Variants in C11orf16 observed in about 807,000 individuals in gnomAD.
C11orf16 encodes the protein uncharacterized protein C11orf16.
C11orf16 carries 38 observed loss-of-function variants against 45.1 expected under a neutral mutation model. That is an observed-to-expected ratio of 0.84 (90% CI 0.65 to 1.10). The LOEUF (loss-of-function observed/expected upper bound fraction) is 1.10, where lower values mean the gene tolerates loss of function less well. Among genes scored for constraint, C11orf16 ranks in the 50% least tolerant of loss-of-function variants. The pLI is 0.00. For synonymous variants in C11orf16, 221 were observed against 222.0 expected (o/e 1.00, Z 0.04); for missense variants, 583 against 569.5 (o/e 1.02, Z -0.24).
chr11:8,921,492 T>C lies in C11orf16; in HGVS notation c.1228A>G (p.Lys410Glu), dbSNP rs1301623354. ...KPGTRYSNICKEEKDHKQQRA... is the reference protein window; with the variant it reads ...KPGTRYSNICEEEKDHKQQRA... ...TGCTGTTTGTGATCCTTTTCTTCTTTGCAGATGTTGGAATATCTTGTTCCT... is the reference window on the plus strand; with the variant it reads ...TGCTGTTTGTGATCCTTTTCTTCTTCGCAGATGTTGGAATATCTTGTTCCT... The change falls in exon 6 of 7, where the codon AAA becomes GAA. Residue 410 changes from lysine to glutamate, a missense_variant. Coordinates refer to ENST00000326053, the MANE Select transcript of C11orf16 (RefSeq NM_020643.3). The C allele has an allele frequency of 3.1e-6, 5 of 1,614,244 alleles. No individual in the cohort carries two copies. Among genetic ancestry groups the C allele is most frequent in the African/African-American group, 1.3e-5 (1 of 75,066 alleles).
intron 5 of C11orf16, 138 bp downstream of exon 5, chr11:8,925,325 G>T: frequency 1.2e-6 from 1 of 802,346 alleles, no homozygotes; most frequent in Non-Finnish European, 2.0e-6. Flanking sequence ...CTCCTCTTCA[G>T]CATGACCAGA....
intron 5 of C11orf16, among the ~76,000 whole-genome samples, chr11:8,923,545 ACT>A (rs2064588501): frequency 6.6e-6 from 1 of 151,972 alleles, no homozygotes; most frequent in Non-Finnish European, 1.5e-5. Flanking sequence ...ATGGTGCCAA[ACT>A]CTAGAGTTTT....
chr11:8,926,156 C>A, intron 4 of C11orf16, 49 bp from the exon 5 acceptor site: 2 of 1,317,478 alleles, frequency 1.5e-6, no homozygotes, highest in Non-Finnish European at 2.0e-6. Context: ...CAATTATCTC[C>A]TTTTTTTTCT....
At chr11:8,921,550 G>A (rs749570401) in intron 5 of C11orf16, 35 bp from the exon 6 acceptor site, 5 of 1,580,754 alleles carry the variant, frequency 3.2e-6, no homozygotes, top group African/African-American at 1.3e-5. Flanking sequence ...GGTTGAATAT[G>A]CCACCATTTT....
At chr11:8,920,847 G>A (rs962645705) in intron 6 of C11orf16, among the ~76,000 whole-genome samples, 1 of 152,126 alleles carries the variant, frequency 6.6e-6, no homozygotes, top group Non-Finnish European at 1.5e-5. Context: ...AGTCATTGCT[G>A]TGTCCCAAAT....
chr11:8,926,125 G>T lies in C11orf16; in HGVS notation c.560-18C>A. On this transcript the variant is annotated intron_variant, in intron 4 of 6. Coordinates refer to ENST00000326053, the MANE Select transcript of C11orf16 (RefSeq NM_020643.3). Reference sequence around the variant, plus strand: ...CTTTGATGCTACATAACAAAAAATGGCAACATTTTGTTATAATTACCAATT... The same window carrying T: ...CTTTGATGCTACATAACAAAAAATGTCAACATTTTGTTATAATTACCAATT... 1 of 1,531,896 alleles carries T rather than the reference G, an allele frequency of 6.5e-7. No individual in the cohort carries two copies. Among genetic ancestry groups the T allele is most frequent in the South Asian group, 1.3e-5 (1 of 78,744 alleles). The allele number at this position is 1,531,896 out of a possible 1,614,324, so 94.9% of individuals were successfully genotyped here.
intron 6 of C11orf16, 136 bp downstream of exon 6, chr11:8,921,158 C>G (rs753801835): frequency 1.5e-4 from 102 of 666,962 alleles, no homozygotes; most frequent in Middle Eastern, 4.2e-4. Context: ...AAATTACATG[C>G]AAAATTGAGG....
In C11orf16 at chr11:8,932,064, A is replaced by C. The variant is rs559553816; in HGVS notation, c.167+78T>G. The C allele has an allele frequency of 5.0e-6, 7 of 1,405,792 alleles. No homozygotes were observed. In the East Asian group the frequency reaches 1.5e-4, roughly 30 times the overall value. 87.1% of individuals were successfully genotyped at this position (1,405,792 alleles called of 1,614,324 possible). On this transcript the variant is annotated intron_variant, in intron 2 of 6. Transcript: ENST00000326053. ...TTCTCAGGAAGCAAGTCTGTCCACC[A>C]AGGTCTACCACCAACAGCCAAGAAC... is the stretch of plus-strand genomic sequence containing the variant.
chr11:8,927,697 G>C, intron 3 of C11orf16: 2 of 456,214 alleles, frequency 4.4e-6, no homozygotes, highest in South Asian at 3.1e-5. Flanking sequence ...CAGTCAACGA[G>C]GAAAGGGTTA....
intron 2 of C11orf16, 148 bp downstream of exon 2, chr11:8,931,994 C>T: frequency 2.3e-6 from 2 of 853,668 alleles, no homozygotes; most frequent in Non-Finnish European, 3.5e-6. Flanking sequence ...AGACCCCACA[C>T]AGATATGCCA....
chr11:8,930,141 G>T (rs1042442946), intron 2 of C11orf16, among the ~76,000 whole-genome samples: 1 of 148,832 alleles, frequency 6.7e-6, no homozygotes, highest in African/African-American at 2.5e-5. Flanking sequence ...AGAAAAGAGT[G>T]CCAGGGGCCG....
intron 3 of C11orf16, 32 bp downstream of exon 3, chr11:8,929,345 A>C: frequency 6.2e-7 from 1 of 1,601,994 alleles, no homozygotes; most frequent in Non-Finnish European, 8.5e-7. Context: ...CCAGAGGAGC[A>C]CGCCAGGGAG....
In C11orf16 at chr11:8,920,266, T is replaced by G. The variant is rs376490379; in HGVS notation, c.*207A>C. On this transcript the variant is annotated 3_prime_UTR_variant, in exon 7 of 7. Transcript: ENST00000326053. ...GGGAGCCCCAGGGCAGGATCCCACATTCCTATAGCCCTCACAACAGGTGCC... is the reference window on the plus strand; with the variant it reads ...GGGAGCCCCAGGGCAGGATCCCACAGTCCTATAGCCCTCACAACAGGTGCC... The G allele has an allele frequency of 3.5e-4, 152 of 430,056 alleles. 2 individuals carry two copies. The South Asian group carries it at 9.3e-3, about 26-fold the overall frequency. 26.6% of individuals were successfully genotyped at this position (430,056 alleles called of 1,614,324 possible). A position where few individuals can be genotyped will look rare whatever the true frequency, so the allele number is the denominator to read the frequency against.
At position 8,932,196 on chromosome 11, in the gene C11orf16, G is replaced by C; in HGVS notation, c.113C>G (p.Thr38Ser). 2 of 1,595,164 alleles carry C rather than the reference G, an allele frequency of 1.3e-6. No individual in the cohort carries two copies. Among genetic ancestry groups the C allele is most frequent in the Non-Finnish European group, 1.7e-6 (2 of 1,171,248 alleles). Reference protein sequence around the residue: ...GAAPPWDLSFTYPFALQAPWL... With the variant: ...GAAPPWDLSFSYPFALQAPWL... The stretch of plus-strand genomic sequence containing the variant: ...GGGTGCTTGGAGGGCAAAGGGGTAG[G>C]TGAAGGAGAGGTCCCAAGGTGGAGC... Residue 38 changes from threonine to serine, a missense_variant, in exon 2 of 7, where the codon ACC becomes AGC. Physicochemically the swap from Thr to Ser is moderately conservative, Grantham distance 58. Transcript: ENST00000326053.
rs1461899713 is a variant in C11orf16 at position 8,925,510 on chromosome 11, C to T, written c.1157G>A (p.Trp386Ter). 4 of 1,614,022 alleles carry T rather than the reference C, an allele frequency of 2.5e-6. No individual in the cohort carries two copies. Among genetic ancestry groups the T allele is most frequent in the Non-Finnish European group, 3.4e-6 (4 of 1,180,000 alleles). ...LRQSGLCQPE[W>*]RYWKRNGPEP... Reference sequence around the variant, plus strand: ...AGGCCCGTTTCTCTTCCAATACCTCCACTCAGGCTGGCAGAGGCCACTCTG... The same window carrying T: ...AGGCCCGTTTCTCTTCCAATACCTCTACTCAGGCTGGCAGAGGCCACTCTG... The change falls in exon 5 of 7, where the codon TGG becomes TAG. Residue 386 changes from tryptophan to a stop codon, truncating the protein, a stop_gained. Transcript: ENST00000326053. LOFTEE classifies it high-confidence loss of function.
intron 4 of C11orf16, among the ~76,000 whole-genome samples, chr11:8,926,581 TTC>T (rs1276039435): frequency 6.6e-6 from 1 of 152,112 alleles, no homozygotes; most frequent in Non-Finnish European, 1.5e-5. Flanking sequence ...CATTCTGTCA[TTC>T]TCTGAATTAC....
intron 2 of C11orf16, among the ~76,000 whole-genome samples, chr11:8,931,679 C>T (rs2064651176): frequency 6.6e-6 from 1 of 152,116 alleles, no homozygotes; most frequent in African/African-American, 2.4e-5. Flanking sequence ...CATGAGCCAC[C>T]ATGCCCAGCC....
intron 2 of C11orf16, among the ~76,000 whole-genome samples, chr11:8,929,994 C>G (rs1407708811): frequency 6.6e-6 from 1 of 151,966 alleles, no homozygotes; most frequent in Non-Finnish European, 1.5e-5. Context: ...GTGGTGTGAG[C>G]CTGTGATCCC....
chr11:8,924,974 G>A (rs900214071), intron 5 of C11orf16, among the ~76,000 whole-genome samples: 2 of 152,168 alleles, frequency 1.3e-5, no homozygotes, highest in Non-Finnish European at 2.9e-5. Context: ...GAAGCACATC[G>A]CAGTGCCCGG....
Sources: gnomAD v4.1 joint callset for allele counts (sites outside exome capture counted in the v4.1 genomes callset) on GRCh38, gnomAD v4.1.1 for gene constraint, MANE v1.5 for transcripts, NCBI Gene and HGNC (gene_info 2026-07-23, HGNC 2026-07-21) for gene names.